Variants in SNRNP200 observed in about 807,000 individuals in gnomAD.
SNRNP200 encodes the protein small nuclear ribonucleoprotein U5 subunit 200, also known as U5 small nuclear ribonucleoprotein 200 kDa helicase.
A neutral mutation model predicts 255.2 loss-of-function variants in SNRNP200; 66 were observed. The ratio of observed to expected loss-of-function variants is 0.26; its 90% CI spans 0.21 to 0.32. SNRNP200 has a LOEUF of 0.32. Ranked by LOEUF, SNRNP200 falls within the 10% of genes least tolerant of loss-of-function variation. The probability of loss-of-function intolerance (pLI) is 1.00; values close to 1 mark genes in which losing one functional copy is unlikely to be tolerated. For missense variants in SNRNP200, 1,585 were observed against 2,749.8 expected (o/e 0.58, Z 9.47); for synonymous variants, 939 against 1,027.8 (o/e 0.91, Z 1.65).
rs137963907 is a variant in SNRNP200 at position 96,286,462 on chromosome 2, G to C, written c.3852C>G (p.Val1284=). The C allele has an allele frequency of 1.9e-6, 3 of 1,614,166 alleles. No individual in the cohort carries two copies. Among genetic ancestry groups the C allele is most frequent in the Non-Finnish European group, 8.5e-7 (1 of 1,180,042 alleles). ...RWLSCETQLP[V]SFRHLILPEK... is the part of the protein sequence containing the mutation. ...CCGGCAAGATCAGGTGCCGGAAGGA[G>C]ACAGGCAGCTGGGTCTCACAAGCTG... The change falls in exon 29 of 45, where the codon GTC becomes GTG. Residue 1284 remains valine, a synonymous_variant. Coordinates refer to ENST00000323853, the MANE Select transcript of SNRNP200 (RefSeq NM_014014.5). This position sits in a 1 kb window ranked among gnomAD's most constrained non-coding sequence, Gnocchi z 4.8.
intron 11 of SNRNP200, 111 bp downstream of exon 11, chr2:96,297,251 CT>C: frequency 6.6e-7 from 1 of 1,524,332 alleles, no homozygotes; most frequent in Non-Finnish European, 9.0e-7. Flanking sequence ...TCTGTTGCAG[CT>C]TTCAGCCCTG....
chr2:96,274,527 A>G lies in SNRNP200; in HGVS notation c.*485T>C, dbSNP rs1348923980. On this transcript the variant is annotated 3_prime_UTR_variant, in exon 45 of 45. Coordinates refer to ENST00000323853, the MANE Select transcript of SNRNP200 (RefSeq NM_014014.5). ...GTGGTAGTGCTGATGTGTGGGTACC[A>G]CTGAGGCCAGGCCACAGTCGCATGT... 1 of 215,628 alleles carries G rather than the reference A, an allele frequency of 4.6e-6. No individual in the cohort carries two copies. Among genetic ancestry groups the G allele is most frequent in the Non-Finnish European group, 9.4e-6 (1 of 105,908 alleles). The allele number at this position is 215,628 out of a possible 1,614,324, so 13.4% of individuals were successfully genotyped here.
Position 96,295,505 on chromosome 2 carries a change from C to A in SNRNP200, c.1825G>T (p.Val609Leu). The change falls in exon 14 of 45, where the codon GTG becomes TTG. Residue 609 changes from valine to leucine, a missense_variant. Physicochemically the swap from Val to Leu is conservative, Grantham distance 32. This residue lies in a region of SNRNP200 where 56 missense variants were observed against 77.4 expected (regional missense o/e 0.72). Transcript: ENST00000323853. ...CAACTCACCAGAATGATGAGCCGCA[C>A]CAGCTGGGTGTAGGTGCGCTCACCA... ...KGGERTYTQL[V>L]RLIILDEIHL... The A allele has an allele frequency of 6.2e-7, 1 of 1,613,860 alleles. No individual in the cohort carries two copies. The highest frequency in any genetic ancestry group is 8.5e-7 in the Non-Finnish European group (1 of 1,180,034).
At position 96,287,185 on chromosome 2, in the gene SNRNP200, G is replaced by A; in HGVS notation, c.3485-25C>T. 1.2e-6 allele frequency: 2 copies of A among 1,614,046 alleles called. No homozygotes were observed. The highest frequency in any genetic ancestry group is 1.7e-6 in the Non-Finnish European group (2 of 1,179,944). On this transcript the variant is annotated intron_variant, in intron 26 of 44. Transcript: ENST00000323853. The surrounding 1 kb of genome is among the most constrained non-coding windows in gnomAD (Gnocchi z 5.7). ...CCTACAAGGAAATGAGAGTACTGAG[G>A]CTGCAGCCCAGCCTGCCTACTATAC...
At chr2:96,288,060 C>A (rs2063854529) in intron 24 of SNRNP200, 91 bp from the exon 25 acceptor site, 12 of 1,139,722 alleles carry the variant, frequency 1.1e-5, no homozygotes, top group African/African-American at 3.0e-5. Context: ...ACCTCCAGCT[C>A]TGACACAACC....
intron 13 of SNRNP200, 28 bp from the exon 14 acceptor site, chr2:96,295,686 G>T: frequency 6.2e-7 from 1 of 1,610,830 alleles, no homozygotes. Flanking sequence ...CATCAGGCAG[G>T]AATGCTTGAA....
Position 96,277,794 on chromosome 2 carries a change from A to G in SNRNP200, c.5754+13T>C, listed in dbSNP as rs775726293. ...AGCACCACTGACCCCTCTGCCCCAC[A>G]CCCACACTCTACCTTACTAAGGATT... On this transcript the variant is annotated intron_variant, in intron 40 of 44. Coordinates refer to ENST00000323853, the MANE Select transcript of SNRNP200 (RefSeq NM_014014.5). This position sits in a 1 kb window ranked among gnomAD's most constrained non-coding sequence, Gnocchi z 4.4. 5.0e-6 allele frequency: 8 copies of G among 1,614,050 alleles called. No individual in the cohort carries two copies. In the Admixed American group the frequency reaches 6.7e-5, roughly 13 times the overall value.
At chr2:96,301,088 G>T in intron 4 of SNRNP200, 35 bp from the exon 5 acceptor site, 1 of 1,595,268 alleles carries the variant, frequency 6.3e-7, no homozygotes, top group South Asian at 1.1e-5. Context: ...AGAGGGCAGT[G>T]AATGGCTAGT....
rs528301941 is a variant in SNRNP200, at chr2:96,282,051, C to T, written c.4916-129G>A. Reference sequence around the variant, plus strand: ...AACTCACAGCAAGGCTGGCTAGGAACAAGGTCTAACATGAATGAGAGCTAA... The same window carrying T: ...AACTCACAGCAAGGCTGGCTAGGAATAAGGTCTAACATGAATGAGAGCTAA... On this transcript the variant is annotated intron_variant, in intron 34 of 44. Coordinates refer to ENST00000323853, the MANE Select transcript of SNRNP200 (RefSeq NM_014014.5). The T allele has an allele frequency of 3.3e-5, 23 of 698,018 alleles. No individual in the cohort carries two copies. The East Asian group carries it at 6.3e-4, about 19-fold the overall frequency. 43.2% of individuals were successfully genotyped at this position (698,018 alleles called of 1,614,324 possible).
Position 96,289,665 on chromosome 2 carries a change from C to T in SNRNP200, c.2940+134G>A, listed in dbSNP as rs1005739624. The T allele has an allele frequency of 9.8e-5, 82 of 838,584 alleles. 1 individual carries two copies. In the East Asian group the frequency reaches 1.6e-3, roughly 16 times the overall value. The allele number at this position is 838,584 out of a possible 1,614,324, so 51.9% of individuals were successfully genotyped here. ...CCACCTCAAGTTATGGGAAAAGCTA[C>T]CCATTTTTCTGCTGTTCTAAGCAAC... is the stretch of plus-strand genomic sequence containing the variant. On this transcript the variant is annotated intron_variant, in intron 21 of 44. Transcript: ENST00000323853.
At position 96,287,439 on chromosome 2, in the gene SNRNP200, C is replaced by T; in HGVS notation, c.3484G>A (p.Gly1162Arg). 1 of 1,601,752 alleles carries T rather than the reference C, an allele frequency of 6.2e-7. No homozygotes were observed. Among genetic ancestry groups the T allele is most frequent in the African/African-American group, 1.3e-5 (1 of 74,740 alleles). The change falls in exon 26 of 45, where the codon GGG becomes AGG. Residue 1162 changes from glycine to arginine, a missense_variant and splice_region_variant. Physicochemically the swap from Gly to Arg is moderately radical, Grantham distance 125. This residue lies in a region of SNRNP200 where 719 missense variants were observed against 1,091.1 expected (regional missense o/e 0.66). Transcript: ENST00000323853. This position sits in a 1 kb window ranked among gnomAD's most constrained non-coding sequence, Gnocchi z 5.7. ...RLYDLNHNEIGELIRMPKMGK... is the reference protein window; with the variant it reads ...RLYDLNHNEIRELIRMPKMGK... ...ACAAGGGCGAGAGCATCCCACACAC[C>T]AATCTCATTATGATTCAGGTCGTAC...
Position 96,277,002 on chromosome 2 carries a change from G to T in SNRNP200, c.6093-17C>A, listed in dbSNP as rs755107424. The stretch of plus-strand genomic sequence containing the variant: ...GGCCCGCCACTGCAGGGGGAGAGGA[G>T]GGGCGCACGTCAGTGATGGGGCAGT... On this transcript the variant is annotated splice_polypyrimidine_tract_variant and intron_variant, in intron 42 of 44. Coordinates refer to ENST00000323853, the MANE Select transcript of SNRNP200 (RefSeq NM_014014.5). The surrounding 1 kb of genome is among the most constrained non-coding windows in gnomAD (Gnocchi z 4.4). 6.2e-7 allele frequency: 1 copy of T among 1,614,108 alleles called. No individual in the cohort carries two copies. The highest frequency in any genetic ancestry group is 1.1e-5 in the South Asian group (1 of 91,084).
rs1217871034 is a variant in SNRNP200 at position 96,301,702 on chromosome 2, A to G, written c.396T>C (p.Leu132=). Residue 132 remains leucine (L), a synonymous_variant, in exon 4 of 45, where the codon CTT becomes CTC. Coordinates refer to ENST00000323853, the MANE Select transcript of SNRNP200 (RefSeq NM_014014.5). The stretch of plus-strand genomic sequence containing the variant: ...CTAGAACTTCATCAGCTGCCCCACA[A>G]AGGATATCACGTGGCTGGTGGCAAG... ...AALGDQPRDI[L]CGAADEVLAV... 3.1e-6 allele frequency: 5 copies of G among 1,613,990 alleles called. No homozygotes were observed. Among genetic ancestry groups the G allele is most frequent in the Non-Finnish European group, 4.2e-6 (5 of 1,180,032 alleles).
At chr2:96,297,175 C>T in intron 11 of SNRNP200, 105 bp from the exon 12 acceptor site, 2 of 1,569,860 alleles carry the variant, frequency 1.3e-6, no homozygotes, top group Non-Finnish European at 1.7e-6. Flanking sequence ...CTTTGCATAA[C>T]TTTCCATTAA....
chr2:96,294,271 T>C (rs1228056065), intron 14 of SNRNP200, among the ~76,000 whole-genome samples: 6 of 151,996 alleles, frequency 3.9e-5, no homozygotes, highest in African/African-American at 1.5e-4. Flanking sequence ...ACCCCATTTC[T>C]ACTAAAAATA....
chr2:96,280,583 T>C (rs1037235264), intron 35 of SNRNP200, among the ~76,000 whole-genome samples: 2 of 151,906 alleles, frequency 1.3e-5, no homozygotes, highest in Non-Finnish European at 2.9e-5. Context: ...GGAGTCTCGC[T>C]CTGTTGCTCA....
In SNRNP200 at chr2:96,283,015, G is replaced by C; in HGVS notation, c.4915+186C>G. 1.4e-6 allele frequency: 1 copy of C among 720,968 alleles called. No homozygotes were observed. Among genetic ancestry groups the C allele is most frequent in the Non-Finnish European group, 2.4e-6 (1 of 417,146 alleles). The allele number at this position is 720,968 out of a possible 1,614,324, so 44.7% of individuals were successfully genotyped here. A position where few individuals can be genotyped will look rare whatever the true frequency, so the allele number is the denominator to read the frequency against. ...TTTTCTCACCTGGCAAGTAGGGATA[G>C]TGTTTGTCTCACCTGCCTCACGAGG... is the stretch of plus-strand genomic sequence containing the variant. On this transcript the variant is annotated intron_variant, in intron 34 of 44. Coordinates refer to ENST00000323853, the MANE Select transcript of SNRNP200 (RefSeq NM_014014.5). The surrounding 1 kb of genome is among the most constrained non-coding windows in gnomAD (Gnocchi z 4.7).
In SNRNP200 at chr2:96,286,922, C is replaced by T; in HGVS notation, c.3640-45G>A. 1 of 1,613,984 alleles carries T rather than the reference C, an allele frequency of 6.2e-7. No individual in the cohort carries two copies. The highest frequency in any genetic ancestry group is 1.1e-5 in the South Asian group (1 of 91,064). On this transcript the variant is annotated intron_variant, in intron 27 of 44. Transcript: ENST00000323853. The surrounding 1 kb of genome is among the most constrained non-coding windows in gnomAD (Gnocchi z 4.8). ...TAAAAGGAATGTGAGTCAACGTAGA[C>T]TGAGTGCCTCCAATCCATCTCCTCG...
At chr2:96,300,858 T>C (rs1241482080) in intron 5 of SNRNP200, 140 bp downstream of exon 5, 4 of 714,506 alleles carry the variant, frequency 5.6e-6, no homozygotes, top group South Asian at 3.2e-5. Flanking sequence ...CAAAAGAACA[T>C]ATAATGCCCA....
Sources: allele counts gnomAD v4.1 joint callset (sites outside exome capture counted in the v4.1 genomes callset), GRCh38; gene constraint gnomAD v4.1.1; regional missense constraint gnomAD v4.1.1; non-coding constraint Gnocchi (gnomAD v3.1); transcripts MANE v1.5; gene names NCBI Gene and HGNC (gene_info 2026-07-23, HGNC 2026-07-21).